The following PTPRZ1 variants were observed in gnomAD, a reference collection of about 807,000 sequenced individuals.
The protein encoded by PTPRZ1 is receptor-type tyrosine-protein phosphatase zeta.
PTPRZ1 carries 82 observed loss-of-function variants against 214.1 expected under a neutral mutation model. That is an observed-to-expected ratio of 0.38 (90% CI 0.32 to 0.46). The LOEUF (loss-of-function observed/expected upper bound fraction) is 0.46. Ranked by LOEUF, PTPRZ1 falls within the 20% of genes least tolerant of loss-of-function variation. The pLI, the probability that PTPRZ1 is intolerant of heterozygous loss-of-function variation, is 1.00. For missense variants in PTPRZ1, 2,603 were observed against 2,748.7 expected (o/e 0.95, Z 1.19); for synonymous variants, 945 against 987.9 (o/e 0.96, Z 0.81).
At chr7:121,951,349 A>G (rs1796535472) in intron 2 of PTPRZ1, among the ~76,000 whole-genome samples, 1 of 152,226 alleles carries the variant, frequency 6.6e-6, no homozygotes, top group South Asian at 2.1e-4. Flanking sequence ...TGATATTACT[A>G]GTATCACTTT....
chr7:122,029,636 C>G (rs957079364), intron 14 of PTPRZ1, among the ~76,000 whole-genome samples: 1 of 151,684 alleles, frequency 6.6e-6, no homozygotes, highest in African/African-American at 2.4e-5. Flanking sequence ...TTGCTAGAGG[C>G]TCAAGTTCTA....
intron 13 of PTPRZ1, among the ~76,000 whole-genome samples, chr7:122,025,920 A>C (rs751266531): frequency 6.6e-6 from 1 of 152,258 alleles, no homozygotes; most frequent in Non-Finnish European, 1.5e-5. Flanking sequence ...ATAAACTTCA[A>C]TAAGAAAAGT....
chr7:121,904,495 C>A (rs1437043745), intron 1 of PTPRZ1, among the ~76,000 whole-genome samples: 1 of 152,154 alleles, frequency 6.6e-6, no homozygotes, highest in Non-Finnish European at 1.5e-5. Context: ...GTTTCATGTT[C>A]TTAAATGATC....
chr7:121,939,717 A>G (rs1796187068), intron 2 of PTPRZ1, among the ~76,000 whole-genome samples: 1 of 152,216 alleles, frequency 6.6e-6, no homozygotes, highest in South Asian at 2.1e-4. Context: ...TACTCATTGG[A>G]TTGTACAGCG....
Position 122,012,495 on chromosome 7 carries a change from C to G in PTPRZ1, c.3449C>G (p.Pro1150Arg). Residue 1150 changes from proline (P) to arginine (R), a missense_variant, in exon 12 of 30, where the codon CCA becomes CGA. By Grantham distance (103) the Pro-to-Arg change is moderately radical (BLOSUM62 -2). Coordinates refer to ENST00000393386, the MANE Select transcript of PTPRZ1 (RefSeq NM_002851.3). Reference sequence around the variant, plus strand: ...CCTGTGCTTAGTGCAAACTCAGAGCCAGCATCCTCTGACCCTGCTTCTAGT... The same window carrying G: ...CCTGTGCTTAGTGCAAACTCAGAGCGAGCATCCTCTGACCCTGCTTCTAGT... ...LKPVLSANSEPASSDPASSEM... is the reference protein window; with the variant it reads ...LKPVLSANSERASSDPASSEM... 1 of 1,614,028 alleles carries G rather than the reference C, an allele frequency of 6.2e-7. No homozygotes were observed. Among genetic ancestry groups the G allele is most frequent in the Non-Finnish European group, 8.5e-7 (1 of 1,179,940 alleles).
In PTPRZ1 at chr7:122,015,329, C is replaced by G. The variant is rs370410405; in HGVS notation, c.4843+1440C>G. On this transcript the variant is annotated intron_variant, in intron 12 of 29. Coordinates refer to ENST00000393386, the MANE Select transcript of PTPRZ1 (RefSeq NM_002851.3). ...GAATATTTGTAATCCAGAACATAGA[C>G]ATCAGTCTCATTAGAATATTTTTCC... Among the ~76,000 whole-genome samples the G allele has an allele frequency of 1.2e-4, 19 of 152,196 alleles. No individual in the cohort carries two copies. The East Asian group carries it at 3.3e-3, about 26-fold the overall frequency.
intron 6 of PTPRZ1, among the ~76,000 whole-genome samples, chr7:121,981,952 G>C (rs1402082845): frequency 1.3e-5 from 2 of 151,896 alleles, no homozygotes; most frequent in South Asian, 4.2e-4. Context: ...TTTTTTGTGT[G>C]CCATTTCAGA....
At chr7:121,919,803 G>C (rs1483786071) in intron 1 of PTPRZ1, among the ~76,000 whole-genome samples, 4 of 126,718 alleles carry the variant, frequency 3.2e-5, no homozygotes, top group Non-Finnish European at 6.7e-5. Context: ...TTTTTCTATT[G>C]ATCTGTCTAT....
intron 1 of PTPRZ1, among the ~76,000 whole-genome samples, chr7:121,879,734 A>G (rs769625104): frequency 4.0e-5 from 6 of 151,848 alleles, no homozygotes; most frequent in Non-Finnish European, 7.4e-5. Context: ...TTTTGTTAGG[A>G]TATTTGCTTT....
At position 121,873,241 on chromosome 7, in the gene PTPRZ1, C is replaced by A. The variant is rs1199023452; in HGVS notation, c.-259C>A. 2 of 451,794 alleles carry A rather than the reference C, an allele frequency of 4.4e-6. No homozygotes were observed. The highest frequency in any genetic ancestry group is 7.8e-6 in the Non-Finnish European group (2 of 255,544). The allele number at this position is 451,794 out of a possible 1,614,324, so 28.0% of individuals were successfully genotyped here. On this transcript the variant is annotated 5_prime_UTR_variant, in exon 1 of 30. Coordinates refer to ENST00000393386, the MANE Select transcript of PTPRZ1 (RefSeq NM_002851.3). Reference sequence around the variant, plus strand: ...TGCGCCTCGGCTAGCGGCCCCGGGCCCCACCACCGTGCGGCTTTCTCCAGA... The same window carrying A: ...TGCGCCTCGGCTAGCGGCCCCGGGCACCACCACCGTGCGGCTTTCTCCAGA...
intron 8 of PTPRZ1, among the ~76,000 whole-genome samples, chr7:121,988,950 G>GA (rs1455556236): frequency 3.3e-5 from 5 of 152,106 alleles, no homozygotes; most frequent in Non-Finnish European, 7.4e-5. Context: ...TCCAGGAAAA[G>GA]AAAGATTCTA....
At chr7:121,950,140 G>A (rs1584673134) in intron 2 of PTPRZ1, among the ~76,000 whole-genome samples, 1 of 152,094 alleles carries the variant, frequency 6.6e-6, no homozygotes, top group African/African-American at 2.4e-5. Flanking sequence ...ATGGTGGCAG[G>A]CAAAAAATGA....
At chr7:121,977,512 G>A (rs1354562486) in intron 6 of PTPRZ1, among the ~76,000 whole-genome samples, 1 of 152,112 alleles carries the variant, frequency 6.6e-6, no homozygotes, top group African/African-American at 2.4e-5. Context: ...GCTGCCCTGA[G>A]TTACCAATAA....
intron 2 of PTPRZ1, among the ~76,000 whole-genome samples, chr7:121,937,013 G>C (rs1047480674): frequency 3.3e-5 from 5 of 152,160 alleles, no homozygotes; most frequent in African/African-American, 1.2e-4. Context: ...CCTTCTCTTG[G>C]CTGGATGCAG....
intron 2 of PTPRZ1, among the ~76,000 whole-genome samples, chr7:121,956,772 T>G (rs1235531582): frequency 1.3e-5 from 2 of 152,216 alleles, no homozygotes; most frequent in Non-Finnish European, 2.9e-5. Flanking sequence ...ACAAGGCTTT[T>G]GCACCAAGGT....
chr7:121,986,186 A>ATTG (rs1797758509), intron 8 of PTPRZ1, among the ~76,000 whole-genome samples: 1 of 152,226 alleles, frequency 6.6e-6, no homozygotes, highest in African/African-American at 2.4e-5. Context: ...CATTGGAACC[A>ATTG]GACAATATTT....
At chr7:122,053,235 T>C (rs1792241576) in intron 25 of PTPRZ1, among the ~76,000 whole-genome samples, 1 of 152,110 alleles carries the variant, frequency 6.6e-6, no homozygotes, top group South Asian at 2.1e-4. Flanking sequence ...GGAGTTTTAC[T>C]TGATGAGTTT....
intron 1 of PTPRZ1, among the ~76,000 whole-genome samples, chr7:121,917,470 A>G (rs1193680118): frequency 6.6e-6 from 1 of 152,204 alleles, no homozygotes; most frequent in Admixed American, 6.5e-5. Context: ...TATGACCAAA[A>G]AAACATGCAG....
intron 3 of PTPRZ1, 63 bp downstream of exon 3, chr7:121,968,193 A>T: frequency 7.2e-7 from 1 of 1,394,874 alleles, no homozygotes; most frequent in Non-Finnish European, 9.7e-7. Context: ...TGTTTAGACT[A>T]GTTTCATCTC....
Sources: allele counts gnomAD v4.1 joint callset (sites outside exome capture counted in the v4.1 genomes callset), GRCh38; gene constraint gnomAD v4.1.1; transcripts MANE v1.5; gene names NCBI Gene and HGNC (gene_info 2026-07-23, HGNC 2026-07-21).